MGAT5: variants seen among roughly 807,000 people sequenced by gnomAD.
The protein encoded by MGAT5 is alpha-1,6-mannosylglycoprotein 6-beta-N-acetylglucosaminyltransferase A.
MGAT5 carries 30 observed loss-of-function variants against 94.3 expected under a neutral mutation model. The ratio of observed to expected loss-of-function variants is 0.32; its 90% CI spans 0.24 to 0.43. The LOEUF (loss-of-function observed/expected upper bound fraction) is 0.43, where lower values mean the gene tolerates loss of function less well. Among genes scored for constraint, MGAT5 ranks in the 20% least tolerant of loss-of-function variants. The pLI is 1.00. For synonymous variants in MGAT5, 310 were observed against 322.9 expected (o/e 0.96, Z 0.43); for missense variants, 691 against 905.5 (o/e 0.76, Z 3.04).
chr2:134,444,480 A>T (rs936797581), intron 15 of MGAT5, among the ~76,000 whole-genome samples: 1 of 152,242 alleles, frequency 6.6e-6, no homozygotes, highest in African/African-American at 2.4e-5. Context: ...ACCCTGCTGA[A>T]TAACTTGTTC....
chr2:134,369,727 T>TTGTGTG (rs10526028), intron 10 of MGAT5, among the ~76,000 whole-genome samples: 2,948 of 142,246 alleles, frequency 0.021, 63 homozygotes, highest in African/African-American at 0.051. Flanking sequence ...GGTTTTTACA[T>TTGTGTG]TGTGTGTGTG....
At chr2:134,313,181 G>A (rs1686795469) in intron 2 of MGAT5, among the ~76,000 whole-genome samples, 1 of 150,806 alleles carries the variant, frequency 6.6e-6, no homozygotes, top group Non-Finnish European at 1.5e-5. Flanking sequence ...CGTCTCTCTC[G>A]ATACGTGTGT....
chr2:134,122,224 C>T (rs1258086251), intron 1 of MGAT5, among the ~76,000 whole-genome samples: 1 of 152,070 alleles, frequency 6.6e-6, no homozygotes, highest in Admixed American at 6.5e-5. Context: ...CCTGCCTCAA[C>T]CTCTCAAGTA....
intron 1 of MGAT5, among the ~76,000 whole-genome samples, chr2:134,156,803 G>T (rs1020012992): frequency 6.6e-6 from 1 of 152,166 alleles, no homozygotes; most frequent in Non-Finnish European, 1.5e-5. Context: ...CTTTGCATGG[G>T]CCCTGAGCAA....
chr2:134,432,345 TA>T (rs1425803672), intron 14 of MGAT5, among the ~76,000 whole-genome samples: 1 of 151,222 alleles, frequency 6.6e-6, no homozygotes, highest in Non-Finnish European at 1.5e-5. Context: ...AGAGGGAGGG[TA>T]AAAAAAAGAG....
chr2:134,230,011 A>T (rs1681278510), intron 1 of MGAT5, among the ~76,000 whole-genome samples: 1 of 152,242 alleles, frequency 6.6e-6, no homozygotes, highest in Non-Finnish European at 1.5e-5. Flanking sequence ...CATCAAAAAG[A>T]CAGATGGGAA....
chr2:134,194,231 A>G (rs778591059), intron 1 of MGAT5, among the ~76,000 whole-genome samples: 2 of 152,178 alleles, frequency 1.3e-5, no homozygotes, highest in Non-Finnish European at 2.9e-5. Context: ...CTAAATAACT[A>G]TGTTGTGCCA....
At chr2:134,143,230 A>T (rs1686743602) in intron 1 of MGAT5, among the ~76,000 whole-genome samples, 1 of 151,818 alleles carries the variant, frequency 6.6e-6, no homozygotes, top group Non-Finnish European at 1.5e-5. Context: ...TGGTGGGGGG[A>T]TGGTGATATA....
Position 134,254,603 on chromosome 2 carries a change from A to G in MGAT5, c.200A>G (p.Asn67Ser). The change falls in exon 1 of 16, where the codon AAT (asparagine) becomes AGT (serine). Residue 67 changes from asparagine to serine, a missense_variant. This residue lies in a region of MGAT5 where 307 missense variants were observed against 335.4 expected (regional missense o/e 0.92). Transcript: ENST00000281923. ...AAGGCACTGGCAGAAGAAAACAGGAATGTGGTGGATGGGCCATACGCTGGA... is the reference window on the plus strand; with the variant it reads ...AAGGCACTGGCAGAAGAAAACAGGAGTGTGGTGGATGGGCCATACGCTGGA... ...YIKALAEENRNVVDGPYAGVM... is the reference protein window; with the variant it reads ...YIKALAEENRSVVDGPYAGVM... 1 of 1,614,230 alleles carries G rather than the reference A, an allele frequency of 6.2e-7. No individual in the cohort carries two copies. Among genetic ancestry groups the G allele is most frequent in the Non-Finnish European group, 8.5e-7 (1 of 1,180,040 alleles).
intron 15 of MGAT5, among the ~76,000 whole-genome samples, chr2:134,448,175 G>A (rs915579763): frequency 1.3e-5 from 2 of 152,198 alleles, no homozygotes. Flanking sequence ...TAGCCGTCTC[G>A]ACTTGCAGCC....
chr2:134,220,700 G>A (rs1680717860), intron 1 of MGAT5, among the ~76,000 whole-genome samples: 1 of 152,184 alleles, frequency 6.6e-6, no homozygotes, highest in Non-Finnish European at 1.5e-5. Flanking sequence ...GCAGGGATCA[G>A]CCTTCTCCCC....
intron 1 of MGAT5, among the ~76,000 whole-genome samples, chr2:134,191,384 A>AGGTTATCGCGGGAGCGCGTG (rs943133365): frequency 3.9e-5 from 6 of 152,174 alleles, no homozygotes; most frequent in Admixed American, 2.6e-4. Flanking sequence ...TAGATGAATG[A>AGGTTATCGCGGGAGCGCGTG]GGTTATCGCG....
intron 1 of MGAT5, among the ~76,000 whole-genome samples, chr2:134,130,016 G>A (rs969267983): frequency 7.9e-5 from 12 of 152,324 alleles, no homozygotes; most frequent in Middle Eastern, 3.4e-3. Flanking sequence ...TGGGCTCCGC[G>A]GGCCCCGCAC....
At chr2:134,257,189 C>G (rs1030250915) in intron 1 of MGAT5, among the ~76,000 whole-genome samples, 3 of 152,136 alleles carry the variant, frequency 2.0e-5, no homozygotes, top group African/African-American at 7.2e-5. Context: ...TATCTGACAT[C>G]ATCTTTTTAA....
chr2:134,388,347 C>T (rs1682161001), intron 10 of MGAT5, among the ~76,000 whole-genome samples: 1 of 152,032 alleles, frequency 6.6e-6, no homozygotes, highest in Admixed American at 6.5e-5. Context: ...CCTCCGCCCC[C>T]AGAATATTGT....
At chr2:134,394,766 C>A (rs1485129799) in intron 10 of MGAT5, among the ~76,000 whole-genome samples, 2 of 152,172 alleles carry the variant, frequency 1.3e-5, no homozygotes, top group Non-Finnish European at 2.9e-5. Context: ...AAAATTCTTC[C>A]CTGACAACTC....
intron 10 of MGAT5, among the ~76,000 whole-genome samples, chr2:134,370,056 C>T (rs554370714): frequency 3.9e-5 from 6 of 152,272 alleles, no homozygotes; most frequent in Non-Finnish European, 8.8e-5. Context: ...GAGATAGAAT[C>T]CCATTCTGAA....
intron 10 of MGAT5, among the ~76,000 whole-genome samples, chr2:134,402,034 G>C (rs1354991956): frequency 2.6e-5 from 4 of 152,178 alleles, no homozygotes; most frequent in African/African-American, 9.7e-5. Flanking sequence ...GCTATTATTA[G>C]ATTTGCCTGG....
intron 4 of MGAT5, among the ~76,000 whole-genome samples, chr2:134,321,838 G>A (rs1455006214): frequency 6.6e-6 from 1 of 152,152 alleles, no homozygotes; most frequent in Non-Finnish European, 1.5e-5. Flanking sequence ...AAAGGATGCA[G>A]GTAACTGAAC....
Sources: gnomAD v4.1 joint callset for allele counts (sites outside exome capture counted in the v4.1 genomes callset) on GRCh38, gnomAD v4.1.1 for gene constraint, gnomAD v4.1.1 regional missense constraint, MANE v1.5 for transcripts, NCBI Gene and HGNC (gene_info 2026-07-23, HGNC 2026-07-21) for gene names.